BCL2L11: variants seen among roughly 807,000 people sequenced by gnomAD.
BCL2L11 encodes the protein BCL2 like 11, also known as bcl-2-like protein 11.
Under a neutral mutation model 20.6 loss-of-function variants are expected in BCL2L11, and 15 were observed. The ratio of observed to expected loss-of-function variants is 0.73; its 90% CI spans 0.49 to 1.12. The LOEUF is 1.12. Ranked by LOEUF, BCL2L11 falls within the 50% of genes most tolerant of loss-of-function variation. The pLI is 0.00. For missense variants in BCL2L11, 292 were observed against 260.9 expected (o/e 1.12, Z -0.82); for synonymous variants, 108 against 92.8 (o/e 1.16, Z -0.94).
chr2:111,129,515 C>T (rs2073449173), intron 2 of BCL2L11, among the ~76,000 whole-genome samples: 1 of 152,178 alleles, frequency 6.6e-6, no homozygotes, highest in African/African-American at 2.4e-5. Flanking sequence ...ATATGCCATT[C>T]ACCCAGTTTC....
chr2:111,143,040 C>A (rs1050932019), intron 2 of BCL2L11, among the ~76,000 whole-genome samples: 5 of 152,112 alleles, frequency 3.3e-5, no homozygotes, highest in Admixed American at 3.3e-4. Flanking sequence ...GGATTTGTGT[C>A]TTTGCACTAA....
chr2:111,135,586 C>G (rs940358712), intron 2 of BCL2L11, among the ~76,000 whole-genome samples: 7 of 152,112 alleles, frequency 4.6e-5, no homozygotes, highest in Admixed American at 3.9e-4. Flanking sequence ...CCACTTTCTA[C>G]TACCTGATTC....
chr2:111,132,321 A>T (rs1037382851), intron 2 of BCL2L11: 8 of 152,226 alleles, frequency 5.3e-5, no homozygotes, highest in African/African-American at 1.9e-4. Flanking sequence ...GAAAAAGAAC[A>T]TGAAGAAAAT....
intron 2 of BCL2L11, chr2:111,128,707 C>T: frequency 1.3e-6 from 2 of 1,550,478 alleles, no homozygotes; most frequent in Non-Finnish European, 1.7e-6. Context: ...TGGCCACCAC[C>T]ATAGTCAAGA....
rs954987802 is a variant in BCL2L11, at chr2:111,148,771, A to G, written c.395-1273A>G. ...GGTGGTGTGATATTCTGCCTCTCCT[A>G]GGCCCTCAGTCTTTGTGGGATTATT... On this transcript the variant is annotated intron_variant, in intron 2 of 3. Coordinates refer to ENST00000393256, the MANE Select transcript of BCL2L11 (RefSeq NM_138621.5). 1.2e-4 allele frequency among the ~76,000 whole-genome samples: 18 copies of G among 152,248 alleles called. No individual in the cohort carries two copies. The East Asian group carries it at 3.5e-3, about 29-fold the overall frequency.
rs905309077 is a variant in BCL2L11 at position 111,151,485 on chromosome 2, A to G, written c.498+1338A>G. Among the ~76,000 whole-genome samples the G allele has an allele frequency of 7.2e-5, 11 of 152,186 alleles. No individual in the cohort carries two copies. In the East Asian group the frequency reaches 1.9e-3, roughly 27 times the overall value. On this transcript the variant is annotated intron_variant, in intron 3 of 3. Transcript: ENST00000393256. The stretch of plus-strand genomic sequence containing the variant: ...TTTTTTCTGAACGTTGTTGTTTTAT[A>G]TAAGTACCTCTTAAAAGTTTTTTTT...
At chr2:111,161,654 C>G in intron 3 of BCL2L11, 1 of 1,278,414 alleles carries the variant, frequency 7.8e-7, no homozygotes, top group Non-Finnish European at 1.0e-6. Flanking sequence ...TAACTGGCAA[C>G]TCCCCTGCAA....
At chr2:111,123,231 T>C in intron 1 of BCL2L11, 1 of 985,490 alleles carries the variant, frequency 1.0e-6, no homozygotes, top group South Asian at 4.7e-5. Context: ...TTACTACGAC[T>C]GACGGCCGCT....
chr2:111,145,166 T>C (rs13388484), intron 2 of BCL2L11, among the ~76,000 whole-genome samples: 4,111 of 152,240 alleles, frequency 0.027, 169 homozygotes, highest in African/African-American at 0.09. Flanking sequence ...ACACTTGAAA[T>C]TCCAGTAATG....
chr2:111,144,279 T>C (rs2150432324), intron 2 of BCL2L11, among the ~76,000 whole-genome samples: 1 of 152,332 alleles, frequency 6.6e-6, no homozygotes, highest in African/African-American at 2.4e-5. Context: ...TAGCTTTTGT[T>C]TTCATCCAGT....
chr2:111,134,717 CCT>C (rs1341854580), intron 2 of BCL2L11, among the ~76,000 whole-genome samples: 1 of 152,212 alleles, frequency 6.6e-6, no homozygotes, highest in Non-Finnish European at 1.5e-5. Flanking sequence ...AGTAACAACT[CCT>C]CTGAGTTCTC....
intron 3 of BCL2L11, among the ~76,000 whole-genome samples, chr2:111,151,202 G>T (rs1359113363): frequency 6.6e-6 from 1 of 152,128 alleles, no homozygotes; most frequent in Non-Finnish European, 1.5e-5. Flanking sequence ...GCGCCTGGCC[G>T]CATGGGAGAC....
intron 2 of BCL2L11, among the ~76,000 whole-genome samples, chr2:111,141,667 A>T (rs1010876059): frequency 4.6e-5 from 7 of 151,264 alleles, no homozygotes; most frequent in Non-Finnish European, 8.8e-5. Context: ...AGTATATAAA[A>T]AATAATAATA....
intron 2 of BCL2L11, 49 bp downstream of exon 2, chr2:111,124,188 T>A (rs1448036263): frequency 6.5e-7 from 1 of 1,531,674 alleles, no homozygotes; most frequent in East Asian, 2.3e-5. Flanking sequence ...TGGTTGAATC[T>A]GCTTGAAGGC....
intron 3 of BCL2L11, among the ~76,000 whole-genome samples, chr2:111,160,689 TGA>T (rs2078445876): frequency 1.3e-5 from 2 of 152,138 alleles, no homozygotes; most frequent in South Asian, 2.1e-4. Flanking sequence ...GTAGAGAAAG[TGA>T]GAGAGGAGAG....
intron 3 of BCL2L11, chr2:111,161,640 C>T (rs1575217806): frequency 7.2e-7 from 1 of 1,387,220 alleles, no homozygotes; most frequent in Non-Finnish European, 9.5e-7. Context: ...GTCATACTTG[C>T]CTTTAACTGG....
chr2:111,158,274 G>A (rs1306770556), intron 3 of BCL2L11, among the ~76,000 whole-genome samples: 2 of 152,184 alleles, frequency 1.3e-5, no homozygotes, highest in Admixed American at 6.5e-5. Context: ...AACGAGTCGT[G>A]GAGTGGTAGT....
At chr2:111,154,489 C>T (rs985754942) in intron 3 of BCL2L11, among the ~76,000 whole-genome samples, 1 of 152,170 alleles carries the variant, frequency 6.6e-6, no homozygotes, top group Non-Finnish European at 1.5e-5. Context: ...ATGACAGTGA[C>T]ATTTTTGAAG....
chr2:111,125,412 C>T (rs576196090), intron 2 of BCL2L11, among the ~76,000 whole-genome samples: 1 of 152,108 alleles, frequency 6.6e-6, no homozygotes, highest in Admixed American at 6.5e-5. Context: ...GACCATTTGT[C>T]CAGATTAGCT....
Sources: allele counts gnomAD v4.1 joint callset (sites outside exome capture counted in the v4.1 genomes callset), GRCh38; gene constraint gnomAD v4.1.1; transcripts MANE v1.5; gene names NCBI Gene and HGNC (gene_info 2026-07-23, HGNC 2026-07-21).